MMP26: variants seen among roughly 807,000 people sequenced by gnomAD.
MMP26 encodes the protein matrix metallopeptidase 26.
In MMP26, 33 loss-of-function variants were observed where a neutral mutation model predicts 31.0. That is an observed-to-expected ratio of 1.06 (90% confidence interval 0.81 to 1.42). The LOEUF (loss-of-function observed/expected upper bound fraction) is 1.42, where lower values mean the gene tolerates loss of function less well. MMP26 is among the 40% of genes most tolerant of loss of function. The pLI is 0.00. For synonymous variants in MMP26, 122 were observed against 114.9 expected (o/e 1.06, Z -0.40); for missense variants, 347 against 316.1 (o/e 1.10, Z -0.74).
At chr11:4,959,812 C>T (rs1846495972) in intron 2 of MMP26, among the ~76,000 whole-genome samples, 1 of 152,118 alleles carries the variant, frequency 6.6e-6, no homozygotes, top group Admixed American at 6.5e-5. Flanking sequence ...TCTAAATATA[C>T]TCATACTCTC....
At chr11:4,830,234 G>A (rs560216542) in intron 2 of MMP26, 1 of 152,304 alleles carries the variant, frequency 6.6e-6, no homozygotes. Flanking sequence ...GTAGCCATAA[G>A]CCTGGTAGGT....
At chr11:4,896,344 C>A (rs1403078352) in intron 2 of MMP26, among the ~76,000 whole-genome samples, 1 of 152,184 alleles carries the variant, frequency 6.6e-6, no homozygotes, top group Non-Finnish European at 1.5e-5. Context: ...CTTGATCTAT[C>A]TTCTGAGTTT....
At position 4,829,353 on chromosome 11, in the gene MMP26, A is replaced by T. The variant is rs1466365733; in HGVS notation, c.-145+62012A>T. On this transcript the variant is annotated intron_variant, in intron 2 of 7. Coordinates refer to ENST00000380390, the MANE Select transcript of MMP26 (RefSeq NM_021801.5). ...CTCCATCACATCACCTCTTGTATTA[A>T]CCTGAAGATGAAGTCATCATTGTCG... 2.6e-5 allele frequency among the ~76,000 whole-genome samples: 4 copies of T among 152,248 alleles called. No individual in the cohort carries two copies. The East Asian group carries it at 5.8e-4, about 22-fold the overall frequency.
At chr11:4,734,854 G>T (rs764667315) in intron 1 of MMP26, among the ~76,000 whole-genome samples, 1 of 62,448 alleles carries the variant, frequency 1.6e-5, no homozygotes, top group Non-Finnish European at 3.3e-5. Flanking sequence ...TTTTCAGCTT[G>T]TATCTCTTGG....
chr11:4,723,527 C>T (rs1019035683), intron 1 of MMP26: 15 of 1,198,482 alleles, frequency 1.3e-5, no homozygotes, highest in African/African-American at 1.5e-5. Flanking sequence ...AAGTTGATCT[C>T]GTCAGTCAGC....
At chr11:4,967,544 T>A (rs188849888) in intron 2 of MMP26, among the ~76,000 whole-genome samples, 6 of 152,206 alleles carry the variant, frequency 3.9e-5, no homozygotes, top group Non-Finnish European at 8.8e-5. Context: ...CTGAGGTTCC[T>A]GTACCTACCA....
chr11:4,959,307 A>C (rs527813780), intron 2 of MMP26, among the ~76,000 whole-genome samples: 2 of 151,780 alleles, frequency 1.3e-5, no homozygotes, highest in South Asian at 4.2e-4. Context: ...TGCAATTTGG[A>C]AGGTACTTAC....
intron 2 of MMP26, among the ~76,000 whole-genome samples, chr11:4,964,213 A>G (rs1227917366): frequency 6.6e-6 from 1 of 152,066 alleles, no homozygotes; most frequent in African/African-American, 2.4e-5. Context: ...GGTATTGCCT[A>G]GGTTTTCTTC....
At chr11:4,745,223 C>T (rs762676811) in intron 1 of MMP26, among the ~76,000 whole-genome samples, 5 of 152,164 alleles carry the variant, frequency 3.3e-5, no homozygotes, top group Admixed American at 1.3e-4. Context: ...AAATATTTTT[C>T]TTCCCCACAG....
chr11:4,979,929 C>T (rs553584747), intron 2 of MMP26, among the ~76,000 whole-genome samples: 14 of 152,010 alleles, frequency 9.2e-5, no homozygotes, highest in South Asian at 2.1e-4. Context: ...AGTTTTGCCC[C>T]GGTGTTATGT....
intron 2 of MMP26, among the ~76,000 whole-genome samples, chr11:4,954,104 C>G (rs1478917993): frequency 2.4e-5 from 3 of 125,596 alleles, no homozygotes; most frequent in Non-Finnish European, 3.6e-5. Flanking sequence ...AGTGAGAGTT[C>G]AAATTTAAAA....
At chr11:4,769,612 C>G (rs780728033) in intron 2 of MMP26, 3 of 1,612,342 alleles carry the variant, frequency 1.9e-6, no homozygotes, top group Non-Finnish European at 8.5e-7. Context: ...GAAAAAACAT[C>G]TGGACAATGC....
chr11:4,709,796 T>G (rs1403229736), intron 1 of MMP26: 1 of 457,720 alleles, frequency 2.2e-6, no homozygotes, highest in Non-Finnish European at 4.4e-6. Flanking sequence ...TAGGTCTGTG[T>G]CTTTCTACAT....
intron 2 of MMP26, among the ~76,000 whole-genome samples, chr11:4,788,508 T>C (rs982900266): frequency 3.3e-5 from 5 of 152,150 alleles, no homozygotes; most frequent in African/African-American, 1.2e-4. Flanking sequence ...CAAATTTGCC[T>C]AATTTTCTAT....
chr11:4,866,603 CAAAA>C (rs1212095451), intron 2 of MMP26, among the ~76,000 whole-genome samples: 2 of 151,920 alleles, frequency 1.3e-5, no homozygotes, highest in Non-Finnish European at 2.9e-5. Flanking sequence ...CATATGGAAC[CAAAA>C]AAGAGCCTGA....
intron 2 of MMP26, among the ~76,000 whole-genome samples, chr11:4,986,059 C>T (rs922761442): frequency 2.6e-4 from 40 of 152,304 alleles, no homozygotes; most frequent in Admixed American, 1.3e-3. Flanking sequence ...ATCTATCTCT[C>T]ATCTATCTGT....
intron 2 of MMP26, among the ~76,000 whole-genome samples, chr11:4,820,909 C>A (rs1049545654): frequency 2.0e-5 from 3 of 152,010 alleles, no homozygotes. Context: ...TTTTTTGGGC[C>A]ACCCTATTAC....
chr11:4,779,030 T>C (rs1564907663), intron 2 of MMP26, among the ~76,000 whole-genome samples: 5 of 152,186 alleles, frequency 3.3e-5, no homozygotes, highest in Admixed American at 2.0e-4. Flanking sequence ...ATTATGTAAA[T>C]GCACAGTCAT....
At chr11:4,748,194 T>C (rs1848404316) in intron 1 of MMP26, among the ~76,000 whole-genome samples, 2 of 151,854 alleles carry the variant, frequency 1.3e-5, no homozygotes, top group African/African-American at 4.8e-5. Context: ...CTAGAAATCC[T>C]CAAGGAAATG....
Sources: allele counts gnomAD v4.1 joint callset (sites outside exome capture counted in the v4.1 genomes callset), GRCh38; gene constraint gnomAD v4.1.1; transcripts MANE v1.5; gene names NCBI Gene and HGNC (gene_info 2026-07-23, HGNC 2026-07-21).